The following PCDH11Y variants were observed in gnomAD, a reference collection of about 807,000 sequenced individuals.
The protein encoded by PCDH11Y is protocadherin 11 Y-linked.
For missense variants in PCDH11Y, 12 were observed against 224.8 expected, an observed-to-expected ratio of 0.05 and a Z score of 6.05; for synonymous variants, 9 against 83.6, an observed-to-expected ratio of 0.11 and a Z score of 4.87.
chrY:5,645,577 C>T, intron 4 of PCDH11Y, among the ~76,000 whole-genome samples: 2 of 29,612 alleles, frequency 6.8e-5, no homozygotes, highest in Admixed American at 3.2e-4. Context: ...AGCCATTGTT[C>T]GCACACTACC....
intron 2 of PCDH11Y, among the ~76,000 whole-genome samples, chrY:5,270,433 G>A: frequency 3.6e-5 from 1 of 27,908 alleles, no homozygotes; most frequent in South Asian, 9.4e-4. Context: ...CTTGAACCTG[G>A]GAGGCCGAGG....
At position 5,483,567 on chromosome Y, in the gene PCDH11Y, A is replaced by G. The variant is rs2124686101; in HGVS notation, c.3130-17490A>G. Among the ~76,000 whole-genome samples, 3 of 32,466 alleles carry G rather than the reference A, an allele frequency of 9.2e-5. No homozygotes were observed. In the South Asian group the frequency reaches 2.1e-3, roughly 23 times the overall value. The allele number at this position is 32,466 out of a possible 37,273, so 87.1% of individuals were successfully genotyped here. ...TATTTATTGAGTATGATTCCTAGCA[A>G]CAGATAACTAGCTAAATAAACTGCC... On this transcript the variant is annotated intron_variant, in intron 2 of 4. Transcript: ENST00000400457.
intron 4 of PCDH11Y, among the ~76,000 whole-genome samples, chrY:5,711,428 G>A: frequency 3.4e-5 from 1 of 29,510 alleles, no homozygotes; most frequent in Non-Finnish European, 8.0e-5. Context: ...GAGACGCCTC[G>A]TGTGCCTGTT....
intron 3 of PCDH11Y, among the ~76,000 whole-genome samples, chrY:5,039,288 AG>A (rs2052603538): frequency 3.0e-5 from 1 of 33,088 alleles, no homozygotes; most frequent in East Asian, 7.9e-4. Context: ...CCTGATGCAA[AG>A]TAATTTCATC....
At chrY:5,107,485 C>T, downstream of PCDH11Y, among the ~76,000 whole-genome samples, 3 of 32,592 alleles carry the variant, frequency 9.2e-5, no homozygotes. Flanking sequence ...AATATTATCT[C>T]TATTTGAGAA....
chrY:5,160,651 T>C, intron 2 of PCDH11Y, among the ~76,000 whole-genome samples: 1 of 31,367 alleles, frequency 3.2e-5, no homozygotes, highest in Admixed American at 3.0e-4. Context: ...ATATATATAA[T>C]GAGAAGGAGG....
At chrY:5,625,201 A>C in intron 4 of PCDH11Y, among the ~76,000 whole-genome samples, 1 of 31,831 alleles carries the variant, frequency 3.1e-5, no homozygotes, top group Non-Finnish European at 7.6e-5. Context: ...TTGTGTCCTG[A>C]AACTTTGCTG....
At chrY:5,338,424 G>A in intron 2 of PCDH11Y, 1 of 387,188 alleles carries the variant, frequency 2.6e-6, no homozygotes. Context: ...GCTTTATCCA[G>A]TACAAACATC....
At chrY:5,331,604 T>C (rs2053131499) in intron 2 of PCDH11Y, among the ~76,000 whole-genome samples, 1 of 33,810 alleles carries the variant, frequency 3.0e-5, no homozygotes, top group Admixed American at 2.7e-4. Flanking sequence ...CAATTGCCAA[T>C]CAGAACATTT....
rs2052732161 is a variant in PCDH11Y at position 5,087,170 on chromosome Y, T to C, written c.637-11045T>C. 3.8e-4 allele frequency among the ~76,000 whole-genome samples: 13 copies of C among 33,814 alleles called. No individual in the cohort carries two copies. The South Asian group carries it at 8.5e-3, about 22-fold the overall frequency. The allele number at this position is 33,814 out of a possible 37,273, so 90.7% of individuals were successfully genotyped here. A position where few individuals can be genotyped will look rare whatever the true frequency, so the allele number is the denominator to read the frequency against. On this transcript the variant is annotated intron_variant, in intron 1 of 1. Transcript: ENST00000215473. ...TTCCAAAGGCAGAGAAGCCTCATCC[T>C]GTAGCCACTGCCATCCCAGGCCACA...
chrY:5,149,757 G>T, intron 2 of PCDH11Y, among the ~76,000 whole-genome samples: 1 of 31,727 alleles, frequency 3.2e-5, no homozygotes, highest in African/African-American at 1.2e-4. Context: ...ATCTGCTGGA[G>T]AATTCCTTCT....
At chrY:5,038,829 T>G in intron 3 of PCDH11Y, among the ~76,000 whole-genome samples, 1 of 24,182 alleles carries the variant, frequency 4.1e-5, no homozygotes, top group Non-Finnish European at 9.5e-5. Flanking sequence ...CCTAAATGAT[T>G]CAAGAATACA....
At chrY:5,407,668 C>G (rs1602920779) in intron 2 of PCDH11Y, among the ~76,000 whole-genome samples, 2 of 32,527 alleles carry the variant, frequency 6.1e-5, no homozygotes, top group Non-Finnish European at 1.5e-4. Context: ...AATCCCAGCA[C>G]TTTGGGAGGC....
chrY:5,420,917 AC>A (rs2124679450), intron 2 of PCDH11Y, among the ~76,000 whole-genome samples: 1 of 30,170 alleles, frequency 3.3e-5, no homozygotes, highest in Non-Finnish European at 7.9e-5. Flanking sequence ...AAAAAAAAAA[AC>A]AACCCTTGAC....
chrY:5,728,971 C>T (rs1305056478), intron 4 of PCDH11Y, among the ~76,000 whole-genome samples: 3 of 33,346 alleles, frequency 9.0e-5, no homozygotes, highest in Non-Finnish European at 2.2e-4. Context: ...TTAAAGACTG[C>T]GTATATCCTA....
chrY:5,503,136 G>A (rs2053355305), intron 3 of PCDH11Y, among the ~76,000 whole-genome samples: 1 of 32,586 alleles, frequency 3.1e-5, no homozygotes, highest in Non-Finnish European at 7.6e-5. Flanking sequence ...CAATGTATTA[G>A]CTGACATACT....
chrY:5,542,357 T>C, intron 3 of PCDH11Y, among the ~76,000 whole-genome samples: 3 of 32,679 alleles, frequency 9.2e-5, no homozygotes, highest in Admixed American at 8.5e-4. Flanking sequence ...TCCAACAGTA[T>C]TTGAAAATAA....
At chrY:5,138,532 G>A in intron 2 of PCDH11Y, among the ~76,000 whole-genome samples, 1 of 33,374 alleles carries the variant, frequency 3.0e-5, no homozygotes, top group African/African-American at 1.2e-4. Context: ...GAATAGAGAA[G>A]TTCCAAATAA....
At chrY:5,649,625 C>T in intron 4 of PCDH11Y, among the ~76,000 whole-genome samples, 3 of 32,206 alleles carry the variant, frequency 9.3e-5, no homozygotes, top group African/African-American at 3.6e-4. Flanking sequence ...AACCTTCCTA[C>T]GATGATAGAT....
Sources: gnomAD v4.1 joint callset for allele counts (sites outside exome capture counted in the v4.1 genomes callset) on GRCh38, gnomAD v4.1.1 for gene constraint, MANE v1.5 for transcripts, NCBI Gene and HGNC (gene_info 2026-07-23, HGNC 2026-07-21) for gene names.